Variants in ZNF697 observed in about 807,000 individuals in gnomAD.
The protein encoded by ZNF697 is zinc finger protein 697.
Under a neutral mutation model 32.4 loss-of-function variants are expected in ZNF697, and 23 were observed. The ratio of observed to expected loss-of-function variants is 0.71; its 90% CI spans 0.51 to 1.01. ZNF697 has a LOEUF of 1.01. Ranked by LOEUF, ZNF697 falls within the 50% of genes least tolerant of loss-of-function variation. ZNF697 has a pLI of 0.00. For missense variants in ZNF697, 930 were observed against 794.0 expected, an observed-to-expected ratio of 1.17 and a Z score of -2.06; for synonymous variants, 418 against 337.2, an observed-to-expected ratio of 1.24 and a Z score of -2.62.
At chr1:119,631,545 C>A (rs1031350153) in intron 1 of ZNF697, among the ~76,000 whole-genome samples, 1 of 152,240 alleles carries the variant, frequency 6.6e-6, no homozygotes, top group African/African-American at 2.4e-5. Flanking sequence ...CAGCCCCGAC[C>A]AGCAGGGACG....
intron 1 of ZNF697, among the ~76,000 whole-genome samples, chr1:119,629,607 G>A (rs187990947): frequency 3.9e-5 from 6 of 152,184 alleles, no homozygotes; most frequent in Admixed American, 2.0e-4. Flanking sequence ...ACCTTGCAGG[G>A]TTGTTTCTCG....
intron 1 of ZNF697, among the ~76,000 whole-genome samples, chr1:119,626,940 A>G (rs923039735): frequency 2.6e-5 from 4 of 152,230 alleles, no homozygotes; most frequent in Non-Finnish European, 5.9e-5. Flanking sequence ...CACCAGAGAT[A>G]ATTGGTAACC....
At chr1:119,626,168 G>T in intron 1 of ZNF697, 31 bp from the exon 2 acceptor site, 1 of 1,599,154 alleles carries the variant, frequency 6.3e-7, no homozygotes. Context: ...GAAAGGTCAC[G>T]TCAGTCCGGT....
rs587610192 is a variant in ZNF697, at chr1:119,637,944, A to T, written c.-38+9747T>A. On this transcript the variant is annotated intron_variant, in intron 1 of 2. Transcript: ENST00000421812. The stretch of plus-strand genomic sequence containing the variant: ...CATCGTCTGTGTGTGTGTATGTGTG[A>T]GAGAGAGAGAGAGAAAGAGACAGAG... Among the ~76,000 whole-genome samples, 13 of 150,338 alleles carry T rather than the reference A, an allele frequency of 8.6e-5. 1 individual carries two copies. Among genetic ancestry groups the T allele is most frequent in the Middle Eastern group, 6.9e-3 (2 of 288 alleles).
intron 1 of ZNF697, 112 bp from the exon 2 acceptor site, chr1:119,626,249 G>T: frequency 7.3e-7 from 1 of 1,365,132 alleles, no homozygotes; most frequent in Non-Finnish European, 9.7e-7. Flanking sequence ...AGCCCCAGAT[G>T]GCAAACCTCC....
intron 1 of ZNF697, among the ~76,000 whole-genome samples, chr1:119,639,056 A>G (rs2101093450): frequency 6.6e-6 from 1 of 152,348 alleles, no homozygotes. Flanking sequence ...TATCTGGCCC[A>G]TGTCAGATTT....
chr1:119,631,713 G>A (rs1319283242), intron 1 of ZNF697, among the ~76,000 whole-genome samples: 1 of 152,194 alleles, frequency 6.6e-6, no homozygotes, highest in Non-Finnish European at 1.5e-5. Flanking sequence ...GTCATGTCAG[G>A]GGAAGGAAGC....
At chr1:119,633,554 C>G (rs1017366268) in intron 1 of ZNF697, among the ~76,000 whole-genome samples, 17 of 152,148 alleles carry the variant, frequency 1.1e-4, no homozygotes, top group Admixed American at 9.8e-4. Flanking sequence ...TTGTTCTATT[C>G]AGGTTTCAGC....
chr1:119,636,584 G>C (rs1173009545), intron 1 of ZNF697, among the ~76,000 whole-genome samples: 1 of 152,118 alleles, frequency 6.6e-6, no homozygotes, highest in African/African-American at 2.4e-5. Flanking sequence ...AACACATATG[G>C]AGAGCGAGGG....
chr1:119,635,158 A>G (rs935822936), intron 1 of ZNF697, among the ~76,000 whole-genome samples: 3 of 152,050 alleles, frequency 2.0e-5, no homozygotes, highest in African/African-American at 7.2e-5. Flanking sequence ...GGATAATTAT[A>G]TTTTTTTCTG....
intron 1 of ZNF697, among the ~76,000 whole-genome samples, chr1:119,636,615 C>T (rs940109638): frequency 2.3e-4 from 35 of 152,174 alleles, no homozygotes; most frequent in Admixed American, 2.1e-3. Context: ...TGGAACCTGC[C>T]TGAGATCACC....
At chr1:119,631,779 T>G (rs1332678547) in intron 1 of ZNF697, among the ~76,000 whole-genome samples, 1 of 151,924 alleles carries the variant, frequency 6.6e-6, no homozygotes, top group Admixed American at 6.5e-5. Flanking sequence ...AGACTGCAGC[T>G]CCTTTCCTGT....
chr1:119,626,975 GAATC>G (rs1276769309), intron 1 of ZNF697, among the ~76,000 whole-genome samples: 1 of 152,224 alleles, frequency 6.6e-6, no homozygotes, highest in East Asian at 1.9e-4. Context: ...GCCAACATGT[GAATC>G]ATAGGGAGAA....
chr1:119,621,089 A>G lies in ZNF697; in HGVS notation c.*1616T>C, dbSNP rs1287906808. Reference sequence around the variant, plus strand: ...CAGCCCCTTACTAGAAATGGAACATAGCTAGGATACCCTAATTAGGCGACA... The same window carrying G: ...CAGCCCCTTACTAGAAATGGAACATGGCTAGGATACCCTAATTAGGCGACA... On this transcript the variant is annotated 3_prime_UTR_variant, in exon 3 of 3. Transcript: ENST00000421812. The G allele has an allele frequency of 6.6e-6, 1 of 152,222 alleles. No homozygotes were observed. Among genetic ancestry groups the G allele is most frequent in the African/African-American group, 2.4e-5 (1 of 41,454 alleles). 9.4% of individuals were successfully genotyped at this position (152,222 alleles called of 1,614,324 possible). A position where few individuals can be genotyped will look rare whatever the true frequency, so the allele number is the denominator to read the frequency against.
Position 119,619,767 on chromosome 1 carries a change from T to C in ZNF697, c.*2938A>G, listed in dbSNP as rs1040065022. Reference sequence around the variant, plus strand: ...CTCAAGGGGTTAACTTCTCATTTTCTCCTTCCAACTCGGAGCTCAAGATTT... The same window carrying C: ...CTCAAGGGGTTAACTTCTCATTTTCCCCTTCCAACTCGGAGCTCAAGATTT... On this transcript the variant is annotated 3_prime_UTR_variant, in exon 3 of 3. Coordinates refer to ENST00000421812, the MANE Select transcript of ZNF697 (RefSeq NM_001080470.2). The C allele has an allele frequency of 1.3e-5, 2 of 152,658 alleles. No homozygotes were observed. Among genetic ancestry groups the C allele is most frequent in the African/African-American group, 4.8e-5 (2 of 41,454 alleles). 9.5% of individuals were successfully genotyped at this position (152,658 alleles called of 1,614,324 possible).
intron 1 of ZNF697, among the ~76,000 whole-genome samples, chr1:119,644,753 A>G (rs1023575277): frequency 6.6e-6 from 1 of 152,264 alleles, no homozygotes; most frequent in Non-Finnish European, 1.5e-5. Flanking sequence ...TCACATAAAA[A>G]GAAGCATGAA....
chr1:119,630,959 A>C (rs1648746123), intron 1 of ZNF697, among the ~76,000 whole-genome samples: 2 of 152,134 alleles, frequency 1.3e-5, no homozygotes, highest in African/African-American at 4.8e-5. Flanking sequence ...AATTTAAACC[A>C]AGTTTATTGG....
intron 1 of ZNF697, among the ~76,000 whole-genome samples, chr1:119,644,425 C>A (rs952715509): frequency 6.6e-5 from 10 of 152,182 alleles, no homozygotes; most frequent in Admixed American, 1.3e-4. Flanking sequence ...AGAAGCACAA[C>A]ATTACTGGTA....
chr1:119,624,909 G>A (rs975693318), intron 2 of ZNF697, among the ~76,000 whole-genome samples: 4 of 143,758 alleles, frequency 2.8e-5, no homozygotes, highest in Non-Finnish European at 6.0e-5. Context: ...AATTTTTAAA[G>A]TACATTTGGT....
Sources: gnomAD v4.1 joint callset for allele counts (sites outside exome capture counted in the v4.1 genomes callset) on GRCh38, gnomAD v4.1.1 for gene constraint, MANE v1.5 for transcripts, NCBI Gene and HGNC (gene_info 2026-07-23, HGNC 2026-07-21) for gene names.